IL1RAPL2: variants seen among roughly 807,000 people sequenced by gnomAD.
The protein encoded by IL1RAPL2 is interleukin 1 receptor accessory protein like 2.
In IL1RAPL2, 3 loss-of-function variants were observed where a neutral mutation model predicts 44.1. The ratio of observed to expected loss-of-function variants is 0.07; its 90% CI spans 0.03 to 0.18. The LOEUF is 0.18. Ranked by LOEUF, IL1RAPL2 falls within the 10% of genes least tolerant of loss-of-function variation. The pLI is 1.00. For missense variants in IL1RAPL2, 391 were observed against 496.4 expected, an observed-to-expected ratio of 0.79 and a Z score of 2.02; for synonymous variants, 181 against 178.8, an observed-to-expected ratio of 1.01 and a Z score of -0.10.
At chrX:104,682,383 A>G (rs1930903098) in intron 2 of IL1RAPL2, among the ~76,000 whole-genome samples, 1 of 112,620 alleles carries the variant, frequency 8.9e-6, no homozygotes, top group Non-Finnish European at 1.9e-5. Flanking sequence ...TGTTAACTAA[A>G]GGAAAATATT....
At chrX:105,188,326 C>T (rs2033607393) in intron 2 of IL1RAPL2, among the ~76,000 whole-genome samples, 1 of 110,878 alleles carries the variant, frequency 9.0e-6, no homozygotes, top group South Asian at 3.9e-4. Flanking sequence ...GTTTGGTGGG[C>T]AGTGCTACTA....
At chrX:105,631,055 A>G (rs1235685737) in intron 6 of IL1RAPL2, among the ~76,000 whole-genome samples, 1 of 111,393 alleles carries the variant, frequency 9.0e-6, no homozygotes, top group African/African-American at 3.3e-5. Context: ...CAAGGATCTG[A>G]TCCAATTGTG....
chrX:105,762,119 C>T (rs1195497992), intron 10 of IL1RAPL2, among the ~76,000 whole-genome samples: 2 of 111,985 alleles, frequency 1.8e-5, no homozygotes, highest in East Asian at 5.6e-4. Flanking sequence ...ATTCTTCCTG[C>T]TTCTATTTCC....
chrX:105,699,404 T>C (rs1316333548), intron 6 of IL1RAPL2, among the ~76,000 whole-genome samples: 2 of 111,771 alleles, frequency 1.8e-5, no homozygotes, highest in Non-Finnish European at 1.9e-5. Flanking sequence ...TCTAGGGATG[T>C]AGCGATGAAC....
intron 2 of IL1RAPL2, among the ~76,000 whole-genome samples, chrX:105,068,727 G>A (rs1170233346): frequency 1.8e-5 from 2 of 111,545 alleles, no homozygotes; most frequent in East Asian, 5.7e-4. Context: ...AGTAGTGTTA[G>A]GTTGACATCC....
At chrX:105,089,309 A>G (rs1602948773) in intron 2 of IL1RAPL2, among the ~76,000 whole-genome samples, 1 of 111,265 alleles carries the variant, frequency 9.0e-6, no homozygotes, top group African/African-American at 3.3e-5. Flanking sequence ...AACCTTTTTC[A>G]GCCAAGCAAG....
At chrX:104,902,674 G>A in intron 2 of IL1RAPL2, among the ~76,000 whole-genome samples, 1 of 111,933 alleles carries the variant, frequency 8.9e-6, no homozygotes, top group Non-Finnish European at 1.9e-5. Context: ...TGAATAATGT[G>A]TTCTATTTTC....
chrX:105,345,946 C>T (rs2035107210), intron 5 of IL1RAPL2, among the ~76,000 whole-genome samples: 1 of 111,693 alleles, frequency 9.0e-6, no homozygotes, highest in East Asian at 2.8e-4. Flanking sequence ...AAGCTCAGGG[C>T]ATATCTATTG....
At chrX:105,394,799 A>G (rs1193611789) in intron 5 of IL1RAPL2, among the ~76,000 whole-genome samples, 1 of 110,864 alleles carries the variant, frequency 9.0e-6, no homozygotes, top group Non-Finnish European at 1.9e-5. Flanking sequence ...GCTCATTCCT[A>G]CATCCAAGAT....
At chrX:105,071,047 A>G (rs2032200842) in intron 2 of IL1RAPL2, among the ~76,000 whole-genome samples, 1 of 111,497 alleles carries the variant, frequency 9.0e-6, no homozygotes, top group African/African-American at 3.3e-5. Context: ...AAGTAATTCA[A>G]ATTTGTTTAA....
At chrX:104,727,705 T>C (rs2147568907) in intron 2 of IL1RAPL2, among the ~76,000 whole-genome samples, 1 of 111,457 alleles carries the variant, frequency 9.0e-6, no homozygotes, top group South Asian at 3.7e-4. Context: ...AATGGATGAT[T>C]GGATAAAGAA....
In IL1RAPL2 at chrX:105,224,575, A is replaced by G. The variant is rs2033997242; in HGVS notation, c.357-9243A>G. 2.7e-5 allele frequency among the ~76,000 whole-genome samples: 3 copies of G among 111,877 alleles called. No homozygotes were observed. The South Asian group carries it at 1.1e-3, about 42-fold the overall frequency. Reference sequence around the variant, plus strand: ...TTTGGTGAGACAACTAAGTTATACAATTTTCAACACAAAGACGGGGAAAAT... The same window carrying G: ...TTTGGTGAGACAACTAAGTTATACAGTTTTCAACACAAAGACGGGGAAAAT... On this transcript the variant is annotated intron_variant, in intron 3 of 10. Coordinates refer to ENST00000372582, the MANE Select transcript of IL1RAPL2 (RefSeq NM_017416.2).
At chrX:104,637,185 C>T (rs1467784503) in intron 1 of IL1RAPL2, among the ~76,000 whole-genome samples, 2 of 110,484 alleles carry the variant, frequency 1.8e-5, no homozygotes, top group African/African-American at 6.6e-5. Context: ...TTGTATTCTG[C>T]AACTTTACTG....
chrX:105,326,615 T>A (rs2034940963), intron 5 of IL1RAPL2, among the ~76,000 whole-genome samples: 1 of 111,737 alleles, frequency 8.9e-6, no homozygotes. Context: ...TTAGAATTAA[T>A]CTTTTTGCAT....
chrX:104,794,832 G>A (rs1285909499), intron 2 of IL1RAPL2, among the ~76,000 whole-genome samples: 2 of 111,919 alleles, frequency 1.8e-5, no homozygotes, highest in African/African-American at 6.5e-5. Flanking sequence ...GCTTAAAACA[G>A]GTGAAGGGAC....
At chrX:105,115,079 G>A (rs2032840017) in intron 2 of IL1RAPL2, among the ~76,000 whole-genome samples, 1 of 111,582 alleles carries the variant, frequency 9.0e-6, no homozygotes, top group Non-Finnish European at 1.9e-5. Flanking sequence ...TGAAGCTGCA[G>A]ACCCCCGCGG....
intron 3 of IL1RAPL2, among the ~76,000 whole-genome samples, chrX:105,227,200 A>G (rs1447761105): frequency 9.0e-6 from 1 of 110,779 alleles, no homozygotes; most frequent in Non-Finnish European, 1.9e-5. Context: ...GTGCACATGT[A>G]CCCTAAAACT....
intron 1 of IL1RAPL2, among the ~76,000 whole-genome samples, chrX:104,611,617 C>T (rs956860174): frequency 9.1e-6 from 1 of 110,051 alleles, no homozygotes; most frequent in Non-Finnish European, 1.9e-5. Flanking sequence ...GCGGACAGAT[C>T]ACAAGGTCAG....
At chrX:105,749,735 C>T (rs963133417) in intron 9 of IL1RAPL2, among the ~76,000 whole-genome samples, 2 of 111,695 alleles carry the variant, frequency 1.8e-5, no homozygotes, top group Admixed American at 9.5e-5. Flanking sequence ...AGTGAAATAT[C>T]GATAAAGCAG....
Sources: allele counts gnomAD v4.1 joint callset (sites outside exome capture counted in the v4.1 genomes callset), GRCh38; gene constraint gnomAD v4.1.1; transcripts MANE v1.5; gene names NCBI Gene and HGNC (gene_info 2026-07-23, HGNC 2026-07-21).